HMCN1: variants seen among roughly 807,000 people sequenced by gnomAD.
HMCN1 encodes hemicentin-1.
In HMCN1, 321 loss-of-function variants were observed where a neutral mutation model predicts 625.9. That is an observed-to-expected ratio of 0.51 (90% CI 0.47 to 0.56). The LOEUF is 0.56. Among genes scored for constraint, HMCN1 ranks in the 20% least tolerant of loss-of-function variants. The probability of loss-of-function intolerance (pLI) is 0.00; values close to 1 mark genes in which losing one functional copy is unlikely to be tolerated. For missense variants in HMCN1, 6,588 were observed against 6,887.3 expected (o/e 0.96, Z 1.54); for synonymous variants, 2,425 against 2,417.6 (o/e 1.00, Z -0.09).
chr1:186,090,652 T>G (rs1659789357), intron 63 of HMCN1, 106 bp from the exon 64 acceptor site: 1 of 1,315,852 alleles, frequency 7.6e-7, no homozygotes, highest in Non-Finnish European at 1.1e-6. Context: ...TGAACCATAA[T>G]CTACAAAGAA....
chr1:185,773,347 A>G (rs939177535), intron 1 of HMCN1, among the ~76,000 whole-genome samples: 2 of 152,192 alleles, frequency 1.3e-5, no homozygotes, highest in Non-Finnish European at 2.9e-5. Context: ...TAAGCTAACT[A>G]TGGTAATCTC....
chr1:186,015,009 G>A, intron 30 of HMCN1, 150 bp from the exon 31 acceptor site: 1 of 691,406 alleles, frequency 1.4e-6, no homozygotes, highest in Non-Finnish European at 2.5e-6. Flanking sequence ...TTTGACAATA[G>A]AGGAAACTCA....
intron 97 of HMCN1, among the ~76,000 whole-genome samples, chr1:186,163,624 A>G (rs1235432437): frequency 6.6e-6 from 1 of 152,248 alleles, no homozygotes; most frequent in Admixed American, 6.5e-5. Context: ...ATTTATATGA[A>G]AATTGCATTC....
At chr1:185,901,144 A>G (rs1259842309) in intron 4 of HMCN1, among the ~76,000 whole-genome samples, 1 of 151,902 alleles carries the variant, frequency 6.6e-6, no homozygotes, top group Non-Finnish European at 1.5e-5. Flanking sequence ...ATGGATTTAT[A>G]TTCTAAATGG....
At chr1:185,986,866 T>TAAAA (rs200682971) in intron 19 of HMCN1, among the ~76,000 whole-genome samples, 1,952 of 149,794 alleles carry the variant, frequency 0.013, 43 homozygotes, top group African/African-American at 0.045. Flanking sequence ...ATTAAATAAA[T>TAAAA]TAAATAAAAT....
intron 20 of HMCN1, 91 bp downstream of exon 20, chr1:185,987,635 TG>T: frequency 1.1e-6 from 1 of 886,800 alleles, no homozygotes; most frequent in Admixed American, 1.7e-5. Context: ...GGCTCAGGAG[TG>T]GGGCATGGAA....
intron 15 of HMCN1, among the ~76,000 whole-genome samples, chr1:185,973,491 A>G (rs1056916148): frequency 6.6e-6 from 1 of 152,094 alleles, no homozygotes; most frequent in Non-Finnish European, 1.5e-5. Flanking sequence ...TAAGTAGCTT[A>G]TGACTTAGGA....
chr1:186,060,500 A>G (rs939975439), intron 46 of HMCN1, among the ~76,000 whole-genome samples: 1 of 152,048 alleles, frequency 6.6e-6, no homozygotes, highest in Admixed American at 6.6e-5. Flanking sequence ...TTATCTTTAA[A>G]TAGAGTTCTC....
intron 85 of HMCN1, among the ~76,000 whole-genome samples, chr1:186,131,895 G>A (rs1452329097): frequency 6.6e-6 from 1 of 152,136 alleles, no homozygotes; most frequent in African/African-American, 2.4e-5. Flanking sequence ...CCAGCTGAAT[G>A]TAGTTTTAAT....
intron 75 of HMCN1, among the ~76,000 whole-genome samples, chr1:186,116,359 GAA>G (rs1661133493): frequency 6.6e-6 from 1 of 151,788 alleles, no homozygotes. Flanking sequence ...CCTAAAATGT[GAA>G]GTGTTCTAGA....
At chr1:186,000,906 T>C (rs1489644595) in intron 26 of HMCN1, among the ~76,000 whole-genome samples, 1 of 152,046 alleles carries the variant, frequency 6.6e-6, no homozygotes, top group Non-Finnish European at 1.5e-5. Flanking sequence ...AAAGTGTATA[T>C]ATATTTTAAA....
At position 186,118,995 on chromosome 1, in the gene HMCN1, G is replaced by T. The variant is rs554135697; in HGVS notation, c.11849-196G>T. 2.6e-5 allele frequency among the ~76,000 whole-genome samples: 4 copies of T among 152,266 alleles called. No individual in the cohort carries two copies. In the South Asian group the frequency reaches 8.3e-4, roughly 32 times the overall value. On this transcript the variant is annotated intron_variant, in intron 77 of 106. Coordinates refer to ENST00000271588, the MANE Select transcript of HMCN1 (RefSeq NM_031935.3). ...GCGCATTTAAATGAGTGACCCTTAT[G>T]ATATGTAAATTATGCCTCAATAAAG...
chr1:185,817,097 G>A (rs1336266591), intron 1 of HMCN1, among the ~76,000 whole-genome samples: 1 of 152,192 alleles, frequency 6.6e-6, no homozygotes, highest in Non-Finnish European at 1.5e-5. Context: ...ACAAGGTGCT[G>A]TAGTAGGTGT....
At chr1:185,758,742 C>T (rs1655294406) in intron 1 of HMCN1, among the ~76,000 whole-genome samples, 1 of 152,056 alleles carries the variant, frequency 6.6e-6, no homozygotes, top group African/African-American at 2.4e-5. Context: ...TTTTCTTCCT[C>T]TTTCCATTCT....
At chr1:185,869,274 G>A (rs1039917815) in intron 4 of HMCN1, among the ~76,000 whole-genome samples, 2 of 152,094 alleles carry the variant, frequency 1.3e-5, no homozygotes, top group African/African-American at 4.8e-5. Flanking sequence ...TTGTGACATG[G>A]GATCTGTGAG....
intron 4 of HMCN1, among the ~76,000 whole-genome samples, chr1:185,896,953 C>T (rs1266612111): frequency 1.3e-5 from 2 of 152,058 alleles, no homozygotes; most frequent in Non-Finnish European, 2.9e-5. Context: ...TTCTCTTTTC[C>T]TTTAATTGGC....
At chr1:185,939,172 C>T (rs935928977) in intron 11 of HMCN1, among the ~76,000 whole-genome samples, 1 of 152,130 alleles carries the variant, frequency 6.6e-6, no homozygotes, top group Non-Finnish European at 1.5e-5. Context: ...AGGTTCATTA[C>T]CAACTCATCA....
rs574831091 is a variant in HMCN1 at position 185,935,884 on chromosome 1, G to A, written c.1828+2060G>A. On this transcript the variant is annotated intron_variant, in intron 11 of 106. Coordinates refer to ENST00000271588, the MANE Select transcript of HMCN1 (RefSeq NM_031935.3). ...GATGAAGTAAACTGCCATACCTAGA[G>A]GTAAAGTTTATGATAATATGAGAAA... Among the ~76,000 whole-genome samples, 6 of 152,124 alleles carry A rather than the reference G, an allele frequency of 3.9e-5. No individual in the cohort carries two copies. In the East Asian group the frequency reaches 1.2e-3, roughly 29 times the overall value.
chr1:185,821,282 C>T (rs1163918404), intron 1 of HMCN1, among the ~76,000 whole-genome samples: 1 of 151,974 alleles, frequency 6.6e-6, no homozygotes, highest in African/African-American at 2.4e-5. Flanking sequence ...GAGAGGAATT[C>T]TGAAGAAGTT....
Sources: gnomAD v4.1 joint callset for allele counts (sites outside exome capture counted in the v4.1 genomes callset) on GRCh38, gnomAD v4.1.1 for gene constraint, MANE v1.5 for transcripts, NCBI Gene and HGNC (gene_info 2026-07-23, HGNC 2026-07-21) for gene names.